Variants in USP33 observed in about 807,000 individuals in gnomAD.
The protein encoded by USP33 is ubiquitin carboxyl-terminal hydrolase 33.
A neutral mutation model predicts 124.2 loss-of-function variants in USP33; 46 were observed. The observed-to-expected ratio is 0.37, with a 90% confidence interval of 0.29 to 0.47. The LOEUF (loss-of-function observed/expected upper bound fraction) is 0.47, where lower values mean the gene tolerates loss of function less well. USP33 is among the 20% of genes least tolerant of loss of function. The probability of loss-of-function intolerance (pLI) is 0.99; values close to 1 mark genes in which losing one functional copy is unlikely to be tolerated. For synonymous variants in USP33, 350 were observed against 352.3 expected (o/e 0.99, Z 0.07); for missense variants, 851 against 1,070.6 (o/e 0.79, Z 2.86).
At chr1:77,701,190 A>C (rs891955674) in intron 22 of USP33, among the ~76,000 whole-genome samples, 179 bp downstream of exon 22, 2 of 152,222 alleles carry the variant, frequency 1.3e-5, no homozygotes, top group Non-Finnish European at 2.9e-5. Context: ...TCATAAAATA[A>C]GTTTAACAAA....
At chr1:77,742,915 A>ATTATTTATTTAT (rs531632530) in intron 1 of USP33, among the ~76,000 whole-genome samples, 27 of 147,704 alleles carry the variant, frequency 1.8e-4, no homozygotes, top group East Asian at 4.0e-4. Context: ...TCTGCCTTTT[A>ATTATTTATTTAT]TTATTTATTT....
Position 77,721,180 on chromosome 1 carries a change from T to C in USP33, c.1683A>G (p.Lys561=). Residue 561 remains lysine (K), a synonymous_variant, in exon 15 of 24, where the codon AAA becomes AAG. Transcript: ENST00000370794. ...CTGTCAATGTCACTTACTTTTTGCATTTTTCACAACTGTACATATTGTCAC... is the reference window on the plus strand; with the variant it reads ...CTGTCAATGTCACTTACTTTTTGCACTTTTCACAACTGTACATATTGTCAC... ...LKGDNMYSCE[K]CKKLRNGVKF... 1 of 1,613,728 alleles carries C rather than the reference T, an allele frequency of 6.2e-7. No individual in the cohort carries two copies. The highest frequency in any genetic ancestry group is 8.5e-7 in the Non-Finnish European group (1 of 1,179,876).
At chr1:77,759,119 C>T (rs1407857173) in intron 1 of USP33, among the ~76,000 whole-genome samples, 3 of 152,230 alleles carry the variant, frequency 2.0e-5, no homozygotes, top group Admixed American at 1.3e-4. Context: ...GGTAACCTCT[C>T]AGTCAAGATC....
At chr1:77,743,088 A>G (rs900456428) in intron 1 of USP33, among the ~76,000 whole-genome samples, 9 of 151,920 alleles carry the variant, frequency 5.9e-5, no homozygotes, top group Admixed American at 4.6e-4. Flanking sequence ...GATTACAGGC[A>G]TGCGCCACCA....
chr1:77,718,358 C>T (rs552347067), intron 16 of USP33, among the ~76,000 whole-genome samples: 1 of 152,124 alleles, frequency 6.6e-6, no homozygotes, highest in Non-Finnish European at 1.5e-5. Context: ...TCTAATTTTA[C>T]ACTTTAGACC....
intron 7 of USP33, among the ~76,000 whole-genome samples, chr1:77,731,685 C>T (rs1367691570): frequency 6.6e-6 from 1 of 151,950 alleles, no homozygotes; most frequent in African/African-American, 2.4e-5. Context: ...ATAGTGTAAT[C>T]GTATCAGCCA....
At chr1:77,733,959 CAT>C (rs1678133457) in intron 7 of USP33, among the ~76,000 whole-genome samples, 1 of 152,038 alleles carries the variant, frequency 6.6e-6, no homozygotes, top group Non-Finnish European at 1.5e-5. Flanking sequence ...AACCACCTGA[CAT>C]ATCTATTTTG....
At chr1:77,721,618 C>CT (rs1280445161) in intron 14 of USP33, 1 of 534,596 alleles carries the variant, frequency 1.9e-6, no homozygotes, top group Admixed American at 3.8e-5. Context: ...TATCATTTGT[C>CT]TTATACTACA....
intron 21 of USP33, among the ~76,000 whole-genome samples, chr1:77,706,421 C>A (rs919273763): frequency 1.3e-5 from 2 of 152,176 alleles, no homozygotes; most frequent in African/African-American, 4.8e-5. Context: ...TCTTTATATA[C>A]ATAGTCTGGA....
At chr1:77,730,584 T>C in intron 8 of USP33, 34 bp downstream of exon 8, 2 of 1,401,876 alleles carry the variant, frequency 1.4e-6, no homozygotes, top group South Asian at 3.2e-5. Flanking sequence ...ATTTAAAAGT[T>C]TAATAAAGAA....
chr1:77,741,012 T>C, intron 3 of USP33, 73 bp from the exon 4 acceptor site: 8 of 1,033,010 alleles, frequency 7.7e-6, no homozygotes, highest in Non-Finnish European at 1.1e-5. Flanking sequence ...AGCATTACAA[T>C]TACATTTACA....
chr1:77,702,575 G>A (rs1674163985), intron 21 of USP33, among the ~76,000 whole-genome samples: 1 of 151,980 alleles, frequency 6.6e-6, no homozygotes, highest in Non-Finnish European at 1.5e-5. Context: ...CCAGCCCTCA[G>A]GCCTAAGGAA....
At chr1:77,697,834 G>C in intron 23 of USP33, 29 bp downstream of exon 23, 1 of 1,576,808 alleles carries the variant, frequency 6.3e-7, no homozygotes. Context: ...TCACTCACAA[G>C]TAAAAGCTTA....
chr1:77,735,758 T>A (rs937723599), intron 6 of USP33, among the ~76,000 whole-genome samples: 5 of 152,148 alleles, frequency 3.3e-5, no homozygotes, highest in African/African-American at 1.2e-4. Context: ...TACCTCCCCA[T>A]CACTGACAAT....
chr1:77,739,668 C>T (rs1210602616), intron 4 of USP33, among the ~76,000 whole-genome samples: 2 of 152,114 alleles, frequency 1.3e-5, no homozygotes, highest in African/African-American at 2.4e-5. Flanking sequence ...AAAAGATAAA[C>T]GCAAGAGTGT....
Position 77,696,696 on chromosome 1 carries a change from A to AT in USP33, c.*620dup, listed in dbSNP as rs1673463937. 1 of 152,244 alleles carries AT rather than the reference A, an allele frequency of 6.6e-6. No homozygotes were observed. Among genetic ancestry groups the AT allele is most frequent in the South Asian group, 2.1e-4 (1 of 4,834 alleles). 9.4% of individuals were successfully genotyped at this position (152,244 alleles called of 1,614,324 possible). A position where few individuals can be genotyped will look rare whatever the true frequency, so the allele number is the denominator to read the frequency against. On this transcript the variant is annotated 3_prime_UTR_variant, in exon 24 of 24. Transcript: ENST00000370794. ...ATGAAAAAGTTTTCAAAGCAAAAGT[A>AT]TTTACAACACTACAAAGGATACTAT...
At chr1:77,722,316 A>C in intron 12 of USP33, 120 bp from the exon 13 acceptor site, 1 of 1,015,106 alleles carries the variant, frequency 9.9e-7, no homozygotes, top group African/African-American at 1.6e-5. Flanking sequence ...ACAAAAAACA[A>C]AAAAAAACAC....
intron 1 of USP33, among the ~76,000 whole-genome samples, chr1:77,755,225 T>C (rs1306456758): frequency 6.6e-6 from 1 of 152,074 alleles, no homozygotes; most frequent in Non-Finnish European, 1.5e-5. Context: ...GTTCAGCTTG[T>C]GAGCAAAAAG....
chr1:77,706,266 CATT>C (rs889849358), intron 21 of USP33, among the ~76,000 whole-genome samples: 2 of 152,206 alleles, frequency 1.3e-5, no homozygotes, highest in South Asian at 4.1e-4. Flanking sequence ...GCATGCTCAT[CATT>C]GATATTCATA....
Sources: gnomAD v4.1 joint callset for allele counts (sites outside exome capture counted in the v4.1 genomes callset) on GRCh38, gnomAD v4.1.1 for gene constraint, MANE v1.5 for transcripts, NCBI Gene and HGNC (gene_info 2026-07-23, HGNC 2026-07-21) for gene names.